Variants in ZNF185 observed in about 807,000 individuals in gnomAD.
ZNF185 encodes the protein zinc finger protein 185 with LIM domain, also known as zinc finger protein 185.
A neutral mutation model predicts 58.6 loss-of-function variants in ZNF185; 56 were observed. The observed-to-expected ratio is 0.95, with a 90% CI of 0.77 to 1.19. The LOEUF is 1.19. ZNF185 is among the 50% of genes most tolerant of loss of function. The probability of loss-of-function intolerance (pLI) is 0.00; values close to 1 mark genes in which losing one functional copy is unlikely to be tolerated. For missense variants in ZNF185, 627 were observed against 573.5 expected, an observed-to-expected ratio of 1.09 and a Z score of -0.95; for synonymous variants, 230 against 215.9, an observed-to-expected ratio of 1.07 and a Z score of -0.57.
intron 16 of ZNF185, among the ~76,000 whole-genome samples, chrX:152,954,683 C>CATCTCAAAAAACTGTTATCAATG (rs2048640155): frequency 8.9e-6 from 1 of 112,197 alleles, no homozygotes; most frequent in Non-Finnish European, 1.9e-5. Flanking sequence ...CTGTGTTGTT[C>CATCTCAAAAAACTGTTATCAATG]ATCTCAAAAA....
chrX:152,964,555 C>T (rs1556913046), intron 18 of ZNF185, among the ~76,000 whole-genome samples: 1 of 112,100 alleles, frequency 8.9e-6, no homozygotes, highest in Non-Finnish European at 1.9e-5. Context: ...TCACTTTTCA[C>T]TAAGGGGATG....
chrX:152,965,738 A>G (rs782549848), intron 19 of ZNF185, among the ~76,000 whole-genome samples: 20 of 110,024 alleles, frequency 1.8e-4, no homozygotes, highest in Non-Finnish European at 3.6e-4. Context: ...CGGTGAATTC[A>G]TCCTGCACAC....
Position 152,918,057 on chromosome X carries a change from C to T in ZNF185, c.342-8C>T, listed in dbSNP as rs1556867089. On this transcript the variant is annotated splice_polypyrimidine_tract_variant and splice_region_variant and intron_variant, in intron 5 of 22. Transcript: ENST00000449285. ...GCAGGTAGACACATGGAACCTTCTC[C>T]TCTCTAGTGCTGCCAGTCTGGTGAG... is the stretch of plus-strand genomic sequence containing the variant. The T allele has an allele frequency of 5.9e-6, 7 of 1,180,315 alleles. No individual in the cohort carries two copies. In the Middle Eastern group the frequency reaches 6.9e-4, roughly 117 times the overall value.
At chrX:152,966,334 C>T (rs2050113088) in intron 19 of ZNF185, among the ~76,000 whole-genome samples, 1 of 111,573 alleles carries the variant, frequency 9.0e-6, no homozygotes, top group Admixed American at 9.5e-5. Flanking sequence ...TCCATGTCAC[C>T]TCGGTGTATT....
the ZNF185 span, among the ~76,000 whole-genome samples, chrX:152,908,550 G>A: frequency 8.9e-6 from 1 of 112,541 alleles, no homozygotes; most frequent in Admixed American, 9.3e-5. Flanking sequence ...AGTCACATGT[G>A]GCAGGCCTCT....
intron 16 of ZNF185, among the ~76,000 whole-genome samples, chrX:152,952,807 G>A (rs2048416578): frequency 9.3e-6 from 1 of 107,115 alleles, no homozygotes; most frequent in African/African-American, 3.4e-5. Context: ...GGTCACTGAA[G>A]TTCCAAATTA....
chrX:152,962,276 G>A (rs1486402633), intron 17 of ZNF185, among the ~76,000 whole-genome samples: 2 of 110,569 alleles, frequency 1.8e-5, no homozygotes, highest in East Asian at 5.7e-4. Context: ...AGTCCTGGGG[G>A]GATGCCCAGG....
chrX:152,918,276 T>C, intron 6 of ZNF185, 122 bp downstream of exon 7: 2 of 802,849 alleles, frequency 2.5e-6, no homozygotes, highest in Non-Finnish European at 3.7e-6. Flanking sequence ...CCCGCCTGCC[T>C]GACACTCCCT....
exon 3 of ZNF185, chrX:152,915,186 G>C: frequency 8.3e-7 from 1 of 1,210,360 alleles, no homozygotes; most frequent in Non-Finnish European, 1.1e-6. Flanking sequence ...CATCAGCTGG[G>C]GAGGTTCCGA....
intron 13 of ZNF185, 76 bp downstream of exon 14, chrX:152,931,852 G>A (rs1603242860): frequency 1.1e-6 from 1 of 897,069 alleles, no homozygotes; most frequent in Non-Finnish European, 1.5e-6. Flanking sequence ...GGACTTCCAT[G>A]GCCTCCGGTG....
At chrX:152,900,610 A>C in the ZNF185 span, among the ~76,000 whole-genome samples, 2 of 112,749 alleles carry the variant, frequency 1.8e-5, no homozygotes, top group Admixed American at 1.9e-4. Context: ...CACTGTGCCC[A>C]TAGTGAACCG....
At chrX:152,941,880 A>C in intron 15 of ZNF185, 1 of 1,089,137 alleles carries the variant, frequency 9.2e-7, no homozygotes, top group South Asian at 2.3e-5. Context: ...CCGCGCGTGG[A>C]CCGTCGCCGG....
chrX:152,938,111 A>G, exon 15 of ZNF185: 2 of 1,185,394 alleles, frequency 1.7e-6, no homozygotes, highest in South Asian at 3.7e-5. Flanking sequence ...CCCTGCTGAT[A>G]GGAAGAGCAA....
intron 21 of ZNF185, 38 bp downstream of exon 23, chrX:152,969,522 A>G: frequency 9.3e-7 from 1 of 1,076,579 alleles, no homozygotes; most frequent in Non-Finnish European, 1.3e-6. Context: ...GCTAGGCGGT[A>G]ACTCCTGATC....
intron 15 of ZNF185, among the ~76,000 whole-genome samples, chrX:152,938,881 AAAAGGCAACTCAGGCGATCTCCTCT>A (rs2046739986): frequency 2.1e-5 from 2 of 95,171 alleles, no homozygotes; most frequent in African/African-American, 5.2e-5. Flanking sequence ...AGGTGGGTGG[AAAAGGCAACTCAGGCGATCTCCTCT>A]AAAGAGGAGA....
At chrX:152,940,342 A>G (rs2047035154) in intron 15 of ZNF185, among the ~76,000 whole-genome samples, 1 of 103,676 alleles carries the variant, frequency 9.6e-6, no homozygotes, top group African/African-American at 3.5e-5. Flanking sequence ...TGTGAGGTAT[A>G]CATTAGTTAG....
At chrX:152,902,017 A>G in the ZNF185 span, among the ~76,000 whole-genome samples, 1 of 112,071 alleles carries the variant, frequency 8.9e-6, no homozygotes, top group Non-Finnish European at 1.9e-5. Context: ...CTCAAAAGGG[A>G]GCTAGGAACT....
At chrX:152,929,194 C>G in intron 12 of ZNF185, among the ~76,000 whole-genome samples, 1 of 111,616 alleles carries the variant, frequency 9.0e-6, no homozygotes, top group Non-Finnish European at 1.9e-5. Context: ...CCACAGCTCT[C>G]CATGCCACTA....
chrX:152,909,155 C>A, the ZNF185 span, among the ~76,000 whole-genome samples: 2 of 112,507 alleles, frequency 1.8e-5, no homozygotes, highest in African/African-American at 6.5e-5. Flanking sequence ...TAATGACTGC[C>A]CCGGAGAGCG....
Sources: allele counts gnomAD v4.1 joint callset (sites outside exome capture counted in the v4.1 genomes callset), GRCh38; gene constraint gnomAD v4.1.1; transcripts MANE v1.5; gene names NCBI Gene and HGNC (gene_info 2026-07-23, HGNC 2026-07-21).